KCNH5: variants seen among roughly 807,000 people sequenced by gnomAD.
The protein encoded by KCNH5 is voltage-gated delayed rectifier potassium channel KCNH5.
A neutral mutation model predicts 96.1 loss-of-function variants in KCNH5; 46 were observed. That is an observed-to-expected ratio of 0.48 (90% CI 0.38 to 0.61). The LOEUF (loss-of-function observed/expected upper bound fraction) is 0.61. KCNH5 is among the 20% of genes least tolerant of loss of function. The pLI, the probability that KCNH5 is intolerant of heterozygous loss-of-function variation, is 0.00. For missense variants in KCNH5, 907 were observed against 1,225.8 expected, an observed-to-expected ratio of 0.74 and a Z score of 3.88; for synonymous variants, 439 against 449.8, an observed-to-expected ratio of 0.98 and a Z score of 0.30.
Position 63,045,201 on chromosome 14 carries a change from G to T in KCNH5, c.-15C>A. The T allele has an allele frequency of 6.2e-7, 1 of 1,610,440 alleles. No individual in the cohort carries two copies. Among genetic ancestry groups the T allele is most frequent in the Non-Finnish European group, 8.5e-7 (1 of 1,178,030 alleles). On this transcript the variant is annotated 5_prime_UTR_variant, in exon 1 of 11. It introduces an in-frame stop codon into an upstream open reading frame of the 5' UTR. Coordinates refer to ENST00000322893, the MANE Select transcript of KCNH5 (RefSeq NM_139318.5). ...CCCCCCGGCATCCTGGGTCTGGAGAGCAGCGGCCAGGATCCGCGGCGGGGG... is the reference window on the plus strand; with the variant it reads ...CCCCCCGGCATCCTGGGTCTGGAGATCAGCGGCCAGGATCCGCGGCGGGGG...
intron 8 of KCNH5, among the ~76,000 whole-genome samples, chr14:62,841,645 G>T (rs1199005129): frequency 6.6e-6 from 1 of 152,226 alleles, no homozygotes; most frequent in Non-Finnish European, 1.5e-5. Flanking sequence ...TTAAAATGGT[G>T]CCAGGCATAA....
intron 8 of KCNH5, among the ~76,000 whole-genome samples, chr14:62,807,365 C>T (rs1350683094): frequency 6.6e-6 from 1 of 152,048 alleles, no homozygotes; most frequent in Non-Finnish European, 1.5e-5. Context: ...TATAAAAGAG[C>T]TCTAATTAAT....
intron 9 of KCNH5, among the ~76,000 whole-genome samples, chr14:62,801,462 T>C (rs997550277): frequency 1.3e-5 from 2 of 149,934 alleles, no homozygotes; most frequent in Non-Finnish European, 3.0e-5. Flanking sequence ...CTGCTGCAGA[T>C]ATTTGAGCAG....
At chr14:62,874,050 T>C (rs1010895285) in intron 7 of KCNH5, among the ~76,000 whole-genome samples, 7 of 152,178 alleles carry the variant, frequency 4.6e-5, no homozygotes, top group Non-Finnish European at 7.3e-5. Context: ...CAAGTAAACA[T>C]ATCCTCCCAC....
rs1249217165 is a variant in KCNH5, at chr14:62,924,897, G to A, written c.1369+25236C>T. Among the ~76,000 whole-genome samples the A allele has an allele frequency of 4.6e-5, 7 of 151,880 alleles. No homozygotes were observed. In the East Asian group the frequency reaches 5.8e-4, roughly 13 times the overall value. On this transcript the variant is annotated intron_variant, in intron 7 of 10. Transcript: ENST00000322893. Reference sequence around the variant, plus strand: ...CTGAAGACCTAATGTATAGCATGGCGACTATAGTCAATAATAGTGTATACT... The same window carrying A: ...CTGAAGACCTAATGTATAGCATGGCAACTATAGTCAATAATAGTGTATACT...
intron 9 of KCNH5, among the ~76,000 whole-genome samples, chr14:62,799,444 A>G (rs1031555389): frequency 6.6e-6 from 1 of 150,898 alleles, no homozygotes; most frequent in Non-Finnish European, 1.5e-5. Context: ...GTGGTGGTGC[A>G]TGCCTGTAAT....
chr14:63,002,216 G>A (rs10146138), intron 3 of KCNH5, among the ~76,000 whole-genome samples: 7,222 of 152,162 alleles, frequency 0.047, 200 homozygotes, highest in East Asian at 0.062. Context: ...CTCGTTCTTC[G>A]AAGGATGGCT....
At chr14:62,852,405 T>C (rs148010692) in intron 7 of KCNH5, among the ~76,000 whole-genome samples, 1 of 152,360 alleles carries the variant, frequency 6.6e-6, no homozygotes, top group African/African-American at 2.4e-5. Context: ...AGAGATTCAA[T>C]TGTATGTTTA....
At chr14:63,011,611 G>T (rs569236985) in intron 2 of KCNH5, among the ~76,000 whole-genome samples, 28 of 152,222 alleles carry the variant, frequency 1.8e-4, no homozygotes, top group Admixed American at 1.6e-3. Flanking sequence ...GTCTTCAAAG[G>T]ATTTCACTGG....
chr14:62,973,282 A>G (rs1384571230), intron 6 of KCNH5, among the ~76,000 whole-genome samples: 2 of 152,228 alleles, frequency 1.3e-5, no homozygotes, highest in East Asian at 1.9e-4. Context: ...GCTGTGAATC[A>G]CAGTGAAAAG....
intron 7 of KCNH5, among the ~76,000 whole-genome samples, chr14:62,856,229 T>C (rs868099930): frequency 1.8e-4 from 27 of 152,186 alleles, no homozygotes; most frequent in African/African-American, 5.1e-4. Flanking sequence ...TCTAAAAAAA[T>C]GTGGTCCAGT....
At chr14:62,899,614 G>A (rs1888882196) in intron 7 of KCNH5, among the ~76,000 whole-genome samples, 1 of 151,780 alleles carries the variant, frequency 6.6e-6, no homozygotes, top group Non-Finnish European at 1.5e-5. Context: ...GGCGGATCAC[G>A]AGGTCAGGAG....
intron 6 of KCNH5, among the ~76,000 whole-genome samples, chr14:62,976,142 T>G (rs1450351507): frequency 6.6e-6 from 1 of 150,516 alleles, no homozygotes; most frequent in Non-Finnish European, 1.5e-5. Context: ...GGCTCACGCC[T>G]GTAATCCCAG....
In KCNH5 at chr14:63,042,166, GTGTTT is replaced by G. The variant is rs367930982; in HGVS notation, c.73+2943_73+2947del. ...CCCCACCCCTTTCTCTCTGCTCTGT[GTGTTT>G]TGTTTTGTTTTGTTTCCTACATCTC... On this transcript the variant is annotated intron_variant, in intron 1 of 10. Coordinates refer to ENST00000322893, the MANE Select transcript of KCNH5 (RefSeq NM_139318.5). 2.9e-3 allele frequency among the ~76,000 whole-genome samples: 441 copies of G among 151,912 alleles called. 3 individuals are homozygous for G. The highest frequency in any genetic ancestry group is 0.01 in the African/African-American group (418 of 41,454).
At chr14:63,011,338 C>A (rs1891223034) in intron 2 of KCNH5, among the ~76,000 whole-genome samples, 1 of 151,910 alleles carries the variant, frequency 6.6e-6, no homozygotes, top group African/African-American at 2.4e-5. Flanking sequence ...ATTAGCTAGG[C>A]ATGGTGGCGG....
At chr14:62,798,681 T>C (rs982892291) in intron 9 of KCNH5, among the ~76,000 whole-genome samples, 1 of 152,202 alleles carries the variant, frequency 6.6e-6, no homozygotes. Context: ...CTTGAAGCCA[T>C]CCTCCAGTGT....
intron 1 of KCNH5, among the ~76,000 whole-genome samples, chr14:63,042,536 T>C (rs558656714): frequency 1.3e-5 from 2 of 152,230 alleles, no homozygotes; most frequent in Admixed American, 6.5e-5. Context: ...TTAAATAGAT[T>C]GGGAGTGCTG....
At chr14:63,013,309 A>G (rs1474983684) in intron 2 of KCNH5, among the ~76,000 whole-genome samples, 2 of 152,214 alleles carry the variant, frequency 1.3e-5, no homozygotes, top group Non-Finnish European at 2.9e-5. Context: ...ATCTAATGCA[A>G]GTTGGATACA....
At chr14:62,824,963 A>G (rs243164) in intron 8 of KCNH5, among the ~76,000 whole-genome samples, 105,428 of 151,886 alleles carry the variant, frequency 0.69, 36,738 homozygotes, top group East Asian at 0.81. Flanking sequence ...ATGGCTGTAT[A>G]GTTTCCCATG....
Sources: allele counts gnomAD v4.1 joint callset (sites outside exome capture counted in the v4.1 genomes callset), GRCh38; gene constraint gnomAD v4.1.1; transcripts MANE v1.5; gene names NCBI Gene and HGNC (gene_info 2026-07-23, HGNC 2026-07-21).